The following ST18 variants were observed in gnomAD, a reference collection of about 807,000 sequenced individuals.
ST18 encodes ST18 C2H2C-type zinc finger transcription factor.
In ST18, 50 loss-of-function variants were observed where a neutral mutation model predicts 110.0. That is an observed-to-expected ratio of 0.45 (90% confidence interval 0.36 to 0.58). The LOEUF is 0.58. Among genes scored for constraint, ST18 ranks in the 20% least tolerant of loss-of-function variants. The probability of loss-of-function intolerance (pLI) is 0.00; values close to 1 mark genes in which losing one functional copy is unlikely to be tolerated. For missense variants in ST18, 1,306 were observed against 1,280.1 expected, an observed-to-expected ratio of 1.02 and a Z score of -0.31; for synonymous variants, 461 against 452.4, an observed-to-expected ratio of 1.02 and a Z score of -0.24.
At chr8:52,160,052 T>C (rs192617025) in intron 14 of ST18, among the ~76,000 whole-genome samples, 1 of 152,308 alleles carries the variant, frequency 6.6e-6, no homozygotes, top group Non-Finnish European at 1.5e-5. Flanking sequence ...TACAAGAATA[T>C]GAAAATGTCA....
chr8:52,168,926 A>G (rs933593111), intron 10 of ST18, among the ~76,000 whole-genome samples: 4 of 152,180 alleles, frequency 2.6e-5, no homozygotes, highest in African/African-American at 9.7e-5. Context: ...GGAGAAGAGC[A>G]ATAATGTGTA....
chr8:52,114,624 C>G (rs1450831574), intron 25 of ST18, among the ~76,000 whole-genome samples: 1 of 152,226 alleles, frequency 6.6e-6, no homozygotes, highest in Non-Finnish European at 1.5e-5. Context: ...CTGTCCCCTT[C>G]TCTTTCCTGC....
At chr8:52,359,751 G>A (rs1824845081) in intron 2 of ST18, among the ~76,000 whole-genome samples, 1 of 152,074 alleles carries the variant, frequency 6.6e-6, no homozygotes, top group African/African-American at 2.4e-5. Flanking sequence ...ACAGCTCTGA[G>A]GAGCAAAAAA....
At chr8:52,202,663 G>A (rs957484574) in intron 8 of ST18, among the ~76,000 whole-genome samples, 3 of 152,182 alleles carry the variant, frequency 2.0e-5, no homozygotes, top group African/African-American at 2.4e-5. Context: ...GGTGGTATCA[G>A]TCCTGAGCCT....
chr8:52,407,836 ACAGTC>A (rs1424839888), intron 2 of ST18: 1 of 152,112 alleles, frequency 6.6e-6, no homozygotes, highest in East Asian at 1.9e-4. Flanking sequence ...TTTCTGGAAA[ACAGTC>A]CAGTGCCGCC....
At chr8:52,124,230 C>T (rs1005216536) in intron 23 of ST18, among the ~76,000 whole-genome samples, 7 of 151,596 alleles carry the variant, frequency 4.6e-5, no homozygotes, top group East Asian at 1.9e-4. Flanking sequence ...GGCTGGAGTG[C>T]GGTGGTGCTT....
At position 52,111,016 on chromosome 8, in the gene ST18, T is replaced by C. The variant is rs1273043393; in HGVS notation, c.*2182A>G. The C allele has an allele frequency of 2.5e-6, 1 of 398,752 alleles. No homozygotes were observed. The highest frequency in any genetic ancestry group is 4.4e-6 in the Non-Finnish European group (1 of 225,932). The allele number at this position is 398,752 out of a possible 1,614,324, so 24.7% of individuals were successfully genotyped here. A position where few individuals can be genotyped will look rare whatever the true frequency, so the allele number is the denominator to read the frequency against. On this transcript the variant is annotated 3_prime_UTR_variant, in exon 26 of 26. Transcript: ENST00000689386. ...TTTACAAAAGACCCAATTTACAGTA[T>C]TGATCATTAACATAGTTGAAAAGAA...
At chr8:52,409,767 G>A (rs78195501), upstream of ST18, 8 of 152,274 alleles carry the variant, frequency 5.3e-5, no homozygotes, top group East Asian at 3.9e-4. Context: ...AGAACGCAGA[G>A]GCGCTGCAAC....
At chr8:52,220,546 T>C (rs1043934361) in intron 5 of ST18, 195 bp downstream of exon 5, 1 of 152,208 alleles carries the variant, frequency 6.6e-6, no homozygotes, top group East Asian at 1.9e-4. Flanking sequence ...ACTTTGCCTA[T>C]TTAATATTTT....
At chr8:52,345,514 T>A (rs1265593501) in intron 2 of ST18, among the ~76,000 whole-genome samples, 1 of 152,244 alleles carries the variant, frequency 6.6e-6, no homozygotes, top group Non-Finnish European at 1.5e-5. Flanking sequence ...GATACCAGTA[T>A]ATCTGACAAA....
At chr8:52,354,965 A>C (rs1822042264) in intron 2 of ST18, among the ~76,000 whole-genome samples, 1 of 152,218 alleles carries the variant, frequency 6.6e-6, no homozygotes, top group Admixed American at 6.5e-5. Flanking sequence ...CTGCATTGAG[A>C]ATTACACCTT....
chr8:52,170,704 T>C (rs1269249610), intron 10 of ST18, among the ~76,000 whole-genome samples: 1 of 152,156 alleles, frequency 6.6e-6, no homozygotes, highest in Non-Finnish European at 1.5e-5. Flanking sequence ...TAATATTCTG[T>C]TCCCACTCCA....
intron 2 of ST18, among the ~76,000 whole-genome samples, chr8:52,352,718 G>A (rs770621754): frequency 2.0e-5 from 3 of 152,186 alleles, no homozygotes; most frequent in Non-Finnish European, 2.9e-5. Flanking sequence ...CAGTGGGATG[G>A]ATAAATAAGC....
intron 2 of ST18, among the ~76,000 whole-genome samples, chr8:52,250,104 G>T (rs1450989140): frequency 5.9e-5 from 9 of 151,968 alleles, no homozygotes; most frequent in African/African-American, 2.2e-4. Flanking sequence ...AATGACGACA[G>T]CTGTCCATAA....
At chr8:52,221,513 T>G (rs1321981911) in intron 4 of ST18, 127 bp downstream of exon 4, 1 of 152,142 alleles carries the variant, frequency 6.6e-6, no homozygotes, top group Non-Finnish European at 1.5e-5. Context: ...GAGAGAAAAC[T>G]TTGAAATTCA....
chr8:52,163,861 C>A (rs1480430865), intron 13 of ST18, 125 bp downstream of exon 13: 4 of 656,898 alleles, frequency 6.1e-6, no homozygotes, highest in African/African-American at 3.6e-5. Context: ...GGGCTGCACA[C>A]CCAGGTCTAC....
At chr8:52,404,820 A>T (rs1451440328) in intron 2 of ST18, 1 of 152,260 alleles carries the variant, frequency 6.6e-6, no homozygotes, top group African/African-American at 2.4e-5. Context: ...TTTCTATAAG[A>T]TAAACAGTAA....
chr8:52,141,728 GC>G (rs2055159548), intron 17 of ST18, among the ~76,000 whole-genome samples: 1 of 152,164 alleles, frequency 6.6e-6, no homozygotes, highest in Admixed American at 6.5e-5. Flanking sequence ...AGAGGGAACA[GC>G]AACCCTAAGG....
intron 2 of ST18, among the ~76,000 whole-genome samples, chr8:52,288,803 A>G (rs1410560125): frequency 1.3e-5 from 2 of 152,198 alleles, no homozygotes; most frequent in African/African-American, 4.8e-5. Flanking sequence ...CATCAAAAAA[A>G]TCATCAAAAA....
Sources: gnomAD v4.1 joint callset for allele counts (sites outside exome capture counted in the v4.1 genomes callset) on GRCh38, gnomAD v4.1.1 for gene constraint, MANE v1.5 for transcripts, NCBI Gene and HGNC (gene_info 2026-07-23, HGNC 2026-07-21) for gene names.